CTU2: variants seen among roughly 807,000 people sequenced by gnomAD.
CTU2 encodes the protein cytosolic thiouridylase subunit 2, also known as cytoplasmic tRNA 2-thiolation protein 2.
Under a neutral mutation model 64.1 loss-of-function variants are expected in CTU2, and 80 were observed. The observed-to-expected ratio is 1.25, with a 90% CI of 1.04 to 1.50. The LOEUF is 1.50. Among genes scored for constraint, CTU2 ranks in the 40% most tolerant of loss-of-function variants. The pLI is 0.00. For synonymous variants in CTU2, 482 were observed against 285.3 expected (o/e 1.69, Z -6.95); for missense variants, 1,110 against 690.2 (o/e 1.61, Z -6.81).
At position 88,710,205 on chromosome 16, in the gene CTU2, A is replaced by ATG; in HGVS notation, c.223-16_223-15dup. The ATG allele has an allele frequency of 1.2e-6, 2 of 1,613,828 alleles. No individual in the cohort carries two copies. The highest frequency in any genetic ancestry group is 1.7e-6 in the Non-Finnish European group (2 of 1,179,918). The stretch of plus-strand genomic sequence containing the variant: ...TGTTGGAGGTGCGGTGCCCTGAGTG[A>ATG]TGTTTTTTCTCCCCCAGGTGCTCTT... On this transcript the variant is annotated splice_polypyrimidine_tract_variant and intron_variant, in intron 3 of 14. Coordinates refer to ENST00000453996, the MANE Select transcript of CTU2 (RefSeq NM_001012759.3).
chr16:88,712,182 C>T lies in CTU2; in HGVS notation c.344-92C>T, dbSNP rs913201393. ...GGAAGCACCGCCCTGCGGAGCGAGG[C>T]CTCGAAGGGTTTTCCCAGGTGGAGG... On this transcript the variant is annotated intron_variant, in intron 5 of 14. Transcript: ENST00000453996. 2.8e-5 allele frequency: 31 copies of T among 1,088,838 alleles called. 2 individuals are homozygous for T. Among genetic ancestry groups the T allele is most frequent in the Admixed American group, 1.4e-4 (7 of 50,452 alleles). The allele number at this position is 1,088,838 out of a possible 1,614,324, so 67.4% of individuals were successfully genotyped here.
chr16:88,708,947 G>A (rs1219083574), intron 2 of CTU2: 1 of 152,186 alleles, frequency 6.6e-6, no homozygotes, highest in Non-Finnish European at 1.5e-5. Context: ...CTGACGTAGT[G>A]AGCCAGAGTC....
Position 88,714,210 on chromosome 16 carries a change from T to TGTCA in CTU2, c.1082_1085dup (p.Thr363GlnfsTer8), listed in dbSNP as rs759127335. 1.9e-6 allele frequency: 3 copies of TGTCA among 1,603,668 alleles called. No homozygotes were observed. The highest frequency in any genetic ancestry group is 2.8e-5 in the African/African-American group (2 of 71,970). On this transcript the variant is annotated frameshift_variant, in exon 10 of 15. Transcript: ENST00000453996. LOFTEE classifies it high-confidence loss of function. ...GGCTGCAGACCCAGTTCCCCTCCAC[T>TGTCA]GTCAGCACTGTGTACAGGTGTGGGT...
rs1164665594 is a variant in CTU2 at position 88,715,212 on chromosome 16, T to C, written c.1509T>C (p.Cys503=). ...GGGGCTTGCAGGAGATCCGGGACTGTCTGATTGAGGACAGTGACGACGAGG... is the reference window on the plus strand; with the variant it reads ...GGGGCTTGCAGGAGATCCGGGACTGCCTGATTGAGGACAGTGACGACGAGG... ...RAWGLQEIRD[C]LIEDSDDEAG... is the part of the protein sequence containing the mutation. The change falls in exon 15 of 15, where the codon TGT becomes TGC. Residue 503 remains cysteine, a synonymous_variant. Coordinates refer to ENST00000453996, the MANE Select transcript of CTU2 (RefSeq NM_001012759.3). The C allele has an allele frequency of 6.2e-7, 1 of 1,612,170 alleles. No homozygotes were observed. The highest frequency in any genetic ancestry group is 1.3e-5 in the African/African-American group (1 of 74,876).
chr16:88,715,179 T>C lies in CTU2; in HGVS notation c.1479-3T>C. On this transcript the variant is annotated splice_region_variant and splice_polypyrimidine_tract_variant and intron_variant, in intron 14 of 14. Coordinates refer to ENST00000453996, the MANE Select transcript of CTU2 (RefSeq NM_001012759.3). ...CTGGTGCCCACTGCAGCTTTCTCTC[T>C]AGGGCCTGGGGCTTGCAGGAGATCC... is the stretch of plus-strand genomic sequence containing the variant. 1.2e-6 allele frequency: 2 copies of C among 1,611,958 alleles called. No individual in the cohort carries two copies. Among genetic ancestry groups the C allele is most frequent in the Non-Finnish European group, 1.7e-6 (2 of 1,179,680 alleles).
rs781218199 is a variant in CTU2, at chr16:88,714,235, TGTGTGTGGGTGTGTGCGGGGG to T, written c.1097+12_1097+32del. ...TGTCAGCACTGTGTACAGGTGTGGG[TGTGTGTGGGTGTGTGCGGGGG>T]GTGCGCGGGTGTGTGCTGTGCGCGG... On this transcript the variant is annotated intron_variant, in intron 10 of 14. Transcript: ENST00000453996. 5.2e-5 allele frequency: 82 copies of T among 1,567,506 alleles called. No individual in the cohort carries two copies. The African/African-American group carries it at 1.2e-3, about 24-fold the overall frequency.
chr16:88,710,512 A>C (rs867815959), intron 4 of CTU2: 71 of 530,110 alleles, frequency 1.3e-4, no homozygotes, highest in African/African-American at 5.3e-4. Flanking sequence ...GCAGGTGCAC[A>C]AATCAGAAGC....
rs763851961 is a variant in CTU2 at position 88,712,348 on chromosome 16, A to G, written c.418A>G (p.Thr140Ala). 2.5e-6 allele frequency: 4 copies of G among 1,610,506 alleles called. No homozygotes were observed. Among genetic ancestry groups the G allele is most frequent in the South Asian group, 1.1e-5 (1 of 90,300 alleles). Residue 140 changes from threonine (T) to alanine (A), a missense_variant, in exon 6 of 15, where the codon ACT becomes GCT. Physicochemically the swap from Thr to Ala is moderately conservative, Grantham distance 58. Coordinates refer to ENST00000453996, the MANE Select transcript of CTU2 (RefSeq NM_001012759.3). The stretch of plus-strand genomic sequence containing the variant: ...CGAAGTGAAGCCCATTCTGCAAGCA[A>G]CTGGGTTCCCATGGCATGTGGTGGC... ...LAEVKPILQA[T>A]GFPWHVVALE...
At chr16:88,707,047 G>A (rs1348289899) in intron 1 of CTU2, 89 bp from the exon 2 acceptor site, 1 of 1,339,734 alleles carries the variant, frequency 7.5e-7, no homozygotes, top group Non-Finnish European at 1.1e-6. Context: ...AACTCAGGGT[G>A]AGAAACAGGA....
rs142973829 is a variant in CTU2 at position 88,712,406 on chromosome 16, G to C, written c.453+23G>C. The C allele has an allele frequency of 9.9e-4, 1,551 of 1,572,358 alleles. 16 individuals carry two copies. In the African/African-American group the frequency reaches 0.018, roughly 18 times the overall value. The stretch of plus-strand genomic sequence containing the variant: ...GAGGTGGGAGGGCTGTCCCTGGAAA[G>C]GGGTCCCGGAGGTGACCCCTGGGGG... On this transcript the variant is annotated intron_variant, in intron 6 of 14. Coordinates refer to ENST00000453996, the MANE Select transcript of CTU2 (RefSeq NM_001012759.3).
At position 88,715,066 on chromosome 16, in the gene CTU2, C is replaced by T; in HGVS notation, c.1438C>T (p.Pro480Ser). 6.4e-7 allele frequency: 1 copy of T among 1,572,316 alleles called. No individual in the cohort carries two copies. The highest frequency in any genetic ancestry group is 8.6e-7 in the Non-Finnish European group (1 of 1,157,818). ...MKDLPSLDPLPPYILAEAQLR... is the reference protein window; with the variant it reads ...MKDLPSLDPLSPYILAEAQLR... Reference sequence around the variant, plus strand: ...GTTGCAGCCCTCACTGGACCCCCTGCCGCCGTACATCCTGGCTGAGGCCCA... The same window carrying T: ...GTTGCAGCCCTCACTGGACCCCCTGTCGCCGTACATCCTGGCTGAGGCCCA... Residue 480 changes from proline to serine, a missense_variant, in exon 14 of 15, where the codon CCG becomes TCG. Coordinates refer to ENST00000453996, the MANE Select transcript of CTU2 (RefSeq NM_001012759.3).
At chr16:88,708,155 G>A (rs931459638) in intron 2 of CTU2, among the ~76,000 whole-genome samples, 1 of 152,158 alleles carries the variant, frequency 6.6e-6, no homozygotes, top group African/African-American at 2.4e-5. Context: ...ATCTGAAATT[G>A]CCAAGAACAC....
At chr16:88,707,066 C>T in intron 1 of CTU2, 70 bp from the exon 2 acceptor site, 4 of 1,520,230 alleles carry the variant, frequency 2.6e-6, no homozygotes, top group South Asian at 2.2e-5. Context: ...GAGCTGTCTC[C>T]CCAAAGCCCA....
chr16:88,707,731 C>T (rs1316263804), intron 2 of CTU2, among the ~76,000 whole-genome samples: 1 of 152,036 alleles, frequency 6.6e-6, no homozygotes, highest in Non-Finnish European at 1.5e-5. Flanking sequence ...CTCATAGCTC[C>T]CTGAAGGGAG....
intron 4 of CTU2, 89 bp downstream of exon 4, chr16:88,710,371 T>C (rs1464450185): frequency 4.2e-6 from 6 of 1,434,144 alleles, no homozygotes; most frequent in African/African-American, 2.8e-5. Context: ...GGGCTCTTGG[T>C]TGGGGCTAGA....
Position 88,715,218 on chromosome 16 carries a change from T to A in CTU2, c.1515T>A (p.Ile505=). The change falls in exon 15 of 15, where the codon ATT becomes ATA. Residue 505 remains isoleucine (I), a synonymous_variant. Coordinates refer to ENST00000453996, the MANE Select transcript of CTU2 (RefSeq NM_001012759.3). ...WGLQEIRDCL[I]EDSDDEAGQS Reference sequence around the variant, plus strand: ...TGCAGGAGATCCGGGACTGTCTGATTGAGGACAGTGACGACGAGGCGGGCC... The same window carrying A: ...TGCAGGAGATCCGGGACTGTCTGATAGAGGACAGTGACGACGAGGCGGGCC... The A allele has an allele frequency of 1.2e-6, 2 of 1,612,270 alleles. No homozygotes were observed. The highest frequency in any genetic ancestry group is 8.5e-7 in the Non-Finnish European group (1 of 1,179,850).
In CTU2 at chr16:88,706,617, A is replaced by G. The variant is rs1205671163; in HGVS notation, c.68+19A>G. Reference sequence around the variant, plus strand: ...GGCCCAGGTAAGAGCTGGCGGCCGGACCCGCCAGGCCGCCCCTCGCCTTCC... The same window carrying G: ...GGCCCAGGTAAGAGCTGGCGGCCGGGCCCGCCAGGCCGCCCCTCGCCTTCC... On this transcript the variant is annotated intron_variant, in intron 1 of 14. Transcript: ENST00000453996. 2 of 1,388,438 alleles carry G rather than the reference A, an allele frequency of 1.4e-6. No individual in the cohort carries two copies. Among genetic ancestry groups the G allele is most frequent in the East Asian group, 6.1e-5 (2 of 32,882 alleles). 86.0% of individuals were successfully genotyped at this position (1,388,438 alleles called of 1,614,324 possible).
intron 5 of CTU2, 139 bp from the exon 6 acceptor site, chr16:88,712,135 C>A: frequency 2.6e-6 from 2 of 780,522 alleles, no homozygotes; most frequent in South Asian, 1.5e-5. Context: ...AGGAAAATGG[C>A]CGACACCCCA....
chr16:88,707,701 G>A (rs376641542), intron 2 of CTU2, among the ~76,000 whole-genome samples: 59 of 152,226 alleles, frequency 3.9e-4, no homozygotes, highest in African/African-American at 1.3e-3. Context: ...CCATTGTATT[G>A]TTCAGTTGTT....
Sources: allele counts gnomAD v4.1 joint callset (sites outside exome capture counted in the v4.1 genomes callset), GRCh38; gene constraint gnomAD v4.1.1; transcripts MANE v1.5; gene names NCBI Gene and HGNC (gene_info 2026-07-23, HGNC 2026-07-21).